Variants in ARHGEF4 observed in about 807,000 individuals in gnomAD.
ARHGEF4 encodes APC-stimulated guanine nucleotide exchange factor 1.
In ARHGEF4, 119 loss-of-function variants were observed where a neutral mutation model predicts 162.0. The observed-to-expected ratio is 0.73, with a 90% confidence interval of 0.63 to 0.86. ARHGEF4 has a LOEUF of 0.86. Among genes scored for constraint, ARHGEF4 ranks in the 40% least tolerant of loss-of-function variants. ARHGEF4 has a pLI of 0.00. For missense variants in ARHGEF4, 2,488 were observed against 2,456.0 expected (o/e 1.01, Z -0.28); for synonymous variants, 1,014 against 979.9 (o/e 1.03, Z -0.65).
intron 1 of ARHGEF4, among the ~76,000 whole-genome samples, chr2:130,850,244 G>A (rs1247511718): frequency 6.6e-6 from 1 of 152,232 alleles, no homozygotes; most frequent in Non-Finnish European, 1.5e-5. Flanking sequence ...TGTGGGATCA[G>A]GCCTGTCTGT....
At chr2:130,955,493 G>A (rs146326272) in intron 4 of ARHGEF4, among the ~76,000 whole-genome samples, 14 of 152,128 alleles carry the variant, frequency 9.2e-5, no homozygotes, top group South Asian at 4.1e-4. Flanking sequence ...TTCCCTTCCC[G>A]TGGGGTTAAG....
At chr2:130,885,564 C>CTTTTT (rs961513941) in intron 1 of ARHGEF4, among the ~76,000 whole-genome samples, 31 of 100,344 alleles carry the variant, frequency 3.1e-4, no homozygotes, top group Middle Eastern at 5.6e-3. Flanking sequence ...TTTTCTTATT[C>CTTTTT]TTTTTTTTTT....
intron 1 of ARHGEF4, among the ~76,000 whole-genome samples, chr2:130,849,143 G>A (rs933203970): frequency 5.9e-5 from 9 of 152,142 alleles, no homozygotes; most frequent in Non-Finnish European, 1.0e-4. Context: ...TTCTGGCTCC[G>A]TGACCCCTCT....
At chr2:130,856,755 T>C (rs767485110) in intron 1 of ARHGEF4, among the ~76,000 whole-genome samples, 2 of 152,216 alleles carry the variant, frequency 1.3e-5, no homozygotes, top group Non-Finnish European at 2.9e-5. Flanking sequence ...TATACATATG[T>C]AACTAACCTG....
chr2:130,999,407 T>TGC (rs1558831064), intron 4 of ARHGEF4, among the ~76,000 whole-genome samples: 1 of 151,970 alleles, frequency 6.6e-6, no homozygotes, highest in Admixed American at 6.5e-5. Context: ...CCGCCCGCCT[T>TGC]GGCCTCCCAA....
chr2:130,837,545 C>T, intron 1 of ARHGEF4: 1 of 433,302 alleles, frequency 2.3e-6, no homozygotes, highest in East Asian at 8.2e-5. Flanking sequence ...GGGGTGCCCC[C>T]TCTCTGGCCC....
In ARHGEF4 at chr2:130,864,140, T is replaced by C. The variant is rs539253246; in HGVS notation, c.39+27148T>C. On this transcript the variant is annotated intron_variant, in intron 1 of 13. Transcript: ENST00000409359. ...GGCGGAGCTTGCAGTGAGCCGAGAT[T>C]GCACCACTGCTCTCCAGCCTGGGCG... is the stretch of plus-strand genomic sequence containing the variant. 1.3e-3 allele frequency among the ~76,000 whole-genome samples: 191 copies of C among 151,024 alleles called. No individual in the cohort carries two copies. The South Asian group carries it at 0.015, about 12-fold the overall frequency.
At chr2:130,846,338 T>A (rs1273516711) in intron 1 of ARHGEF4, among the ~76,000 whole-genome samples, 1 of 152,168 alleles carries the variant, frequency 6.6e-6, no homozygotes, top group Non-Finnish European at 1.5e-5. Context: ...AAGAGTCACC[T>A]CTTCTCGGGT....
At chr2:130,894,845 A>G (rs147390895) in intron 1 of ARHGEF4, among the ~76,000 whole-genome samples, 119 of 152,170 alleles carry the variant, frequency 7.8e-4, no homozygotes, top group Admixed American at 2.1e-3. Context: ...GCAGTTGTTC[A>G]GGGGACATGC....
intron 4 of ARHGEF4, among the ~76,000 whole-genome samples, chr2:131,009,028 T>G (rs939206648): frequency 1.3e-5 from 2 of 152,238 alleles, no homozygotes; most frequent in African/African-American, 4.8e-5. Context: ...AATTTCCATT[T>G]GTCATCATTC....
intron 11 of ARHGEF4, 191 bp downstream of exon 11, chr2:131,043,774 TCA>T (rs1228439677): frequency 5.6e-6 from 4 of 712,870 alleles, no homozygotes; most frequent in Non-Finnish European, 9.1e-6. Context: ...CAGGCGGCTT[TCA>T]CAGTCTGACC....
intron 5 of ARHGEF4, among the ~76,000 whole-genome samples, chr2:131,031,746 C>T (rs949183068): frequency 2.0e-5 from 3 of 152,234 alleles, no homozygotes; most frequent in Admixed American, 6.5e-5. Context: ...CCCTCTAGGG[C>T]CTACCCCCAA....
intron 4 of ARHGEF4, among the ~76,000 whole-genome samples, chr2:130,960,490 T>C (rs1684564394): frequency 6.6e-6 from 1 of 152,194 alleles, no homozygotes; most frequent in Non-Finnish European, 1.5e-5. Flanking sequence ...CATTTAGGTT[T>C]GTATAAGTTA....
intron 2 of ARHGEF4, among the ~76,000 whole-genome samples, chr2:130,925,079 T>TGC (rs1162171447): frequency 1.3e-4 from 17 of 132,394 alleles, no homozygotes; most frequent in Non-Finnish European, 1.6e-4. Context: ...TGTGTGTGTG[T>TGC]GCGTCTGAGA....
At chr2:131,021,070 T>C (rs1689096479) in intron 4 of ARHGEF4, among the ~76,000 whole-genome samples, 1 of 152,200 alleles carries the variant, frequency 6.6e-6, no homozygotes, top group Non-Finnish European at 1.5e-5. Flanking sequence ...GAGTTCATTG[T>C]AGATTCTGGA....
chr2:130,965,151 T>C (rs545158874), intron 4 of ARHGEF4, among the ~76,000 whole-genome samples: 43 of 152,266 alleles, frequency 2.8e-4, no homozygotes, highest in African/African-American at 1.0e-3. Flanking sequence ...GGGCCTCACG[T>C]AGGTGTGGAA....
intron 1 of ARHGEF4, among the ~76,000 whole-genome samples, chr2:130,871,531 C>T (rs916562962): frequency 1.3e-5 from 2 of 149,916 alleles, no homozygotes; most frequent in Non-Finnish European, 3.0e-5. Flanking sequence ...AGCAAAACTC[C>T]GTCTCAAAAA....
rs1681401086 is a variant in ARHGEF4, at chr2:130,915,114, A to T, written c.1168A>T (p.Ile390Phe). The change falls in exon 2 of 14, where the codon ATT (isoleucine) becomes TTT (phenylalanine). Residue 390 changes from isoleucine to phenylalanine, a missense_variant. This residue lies in a region of ARHGEF4 where 1,642 missense variants were observed against 1,481.5 expected (regional missense o/e 1.11). Transcript: ENST00000409359. ...SPAPTQLSGPIPAFQSGAPHL... is the reference protein window; with the variant it reads ...SPAPTQLSGPFPAFQSGAPHL... Reference sequence around the variant, plus strand: ...TGCACCCACCCAGCTGTCTGGCCCGATTCCTGCTTTTCAGAGTGGGGCTCC... The same window carrying T: ...TGCACCCACCCAGCTGTCTGGCCCGTTTCCTGCTTTTCAGAGTGGGGCTCC... 1.9e-6 allele frequency: 3 copies of T among 1,550,662 alleles called. No individual in the cohort carries two copies. Among genetic ancestry groups the T allele is most frequent in the Non-Finnish European group, 1.7e-6 (2 of 1,147,012 alleles).
intron 1 of ARHGEF4, among the ~76,000 whole-genome samples, chr2:130,892,625 G>A (rs934157461): frequency 1.3e-5 from 2 of 152,216 alleles, no homozygotes; most frequent in African/African-American, 4.8e-5. Flanking sequence ...CCTTGCCCAA[G>A]GGCACAGAGC....
Sources: allele counts gnomAD v4.1 joint callset (sites outside exome capture counted in the v4.1 genomes callset), GRCh38; gene constraint gnomAD v4.1.1; regional missense constraint gnomAD v4.1.1; transcripts MANE v1.5; gene names NCBI Gene and HGNC (gene_info 2026-07-23, HGNC 2026-07-21).